Variants in FRMPD1 observed in about 807,000 individuals in gnomAD.
The protein encoded by FRMPD1 is FERM and PDZ domain containing 1, also known as FERM and PDZ domain-containing protein 1.
FRMPD1 carries 76 observed loss-of-function variants against 117.8 expected under a neutral mutation model. The observed-to-expected ratio is 0.65, with a 90% CI of 0.54 to 0.78. The LOEUF (loss-of-function observed/expected upper bound fraction) is 0.78, where lower values mean the gene tolerates loss of function less well. Ranked by LOEUF, FRMPD1 falls within the 30% of genes least tolerant of loss-of-function variation. The pLI, the probability that FRMPD1 is intolerant of heterozygous loss-of-function variation, is 0.00. For synonymous variants in FRMPD1, 783 were observed against 770.4 expected (o/e 1.02, Z -0.27); for missense variants, 1,786 against 1,964.5 (o/e 0.91, Z 1.72).
In FRMPD1 at chr9:37,692,776, A is replaced by G; in HGVS notation, c.101+34A>G. The G allele has an allele frequency of 2.1e-6, 3 of 1,462,446 alleles. No individual in the cohort carries two copies. In the African/African-American group the frequency reaches 4.2e-5, roughly 20 times the overall value. 90.6% of individuals were successfully genotyped at this position (1,462,446 alleles called of 1,614,324 possible). On this transcript the variant is annotated intron_variant, in intron 2 of 15. Transcript: ENST00000377765. ...CCTGAGTTTGCAGATTTCTGTCTAT[A>G]AAGGTCTGGTGTCCCGGGGGAGGAG...
intron 1 of FRMPD1, among the ~76,000 whole-genome samples, chr9:37,685,651 C>CAA (rs58838015): frequency 6.9e-6 from 1 of 144,586 alleles, no homozygotes; most frequent in Non-Finnish European, 1.5e-5. Context: ...GACTCCGTCT[C>CAA]AAAAAAAAAA....
chr9:37,724,005 T>TAAAAAAAATA (rs1563950782), intron 6 of FRMPD1, among the ~76,000 whole-genome samples: 2 of 146,288 alleles, frequency 1.4e-5, no homozygotes, highest in Non-Finnish European at 3.0e-5. Flanking sequence ...TCAAAAAAAA[T>TAAAAAAAATA]AAAAAAAATA....
At chr9:37,698,517 T>G (rs1245920043) in intron 2 of FRMPD1, among the ~76,000 whole-genome samples, 1 of 151,026 alleles carries the variant, frequency 6.6e-6, no homozygotes. Flanking sequence ...TTAAAATTAC[T>G]TACGTTACAA....
intron 1 of FRMPD1, among the ~76,000 whole-genome samples, chr9:37,686,586 G>A (rs1821956863): frequency 6.6e-6 from 1 of 152,352 alleles, no homozygotes; most frequent in Middle Eastern, 3.4e-3. Flanking sequence ...CTTGGTTGAT[G>A]TAGGCATTTG....
At chr9:37,634,321 C>A in the FRMPD1 span, among the ~76,000 whole-genome samples, 1 of 152,184 alleles carries the variant, frequency 6.6e-6, no homozygotes, top group Non-Finnish European at 1.5e-5. Flanking sequence ...ATATCTTATA[C>A]AACCCTTAGC....
At chr9:37,622,975 A>G in the FRMPD1 span, among the ~76,000 whole-genome samples, 1 of 152,190 alleles carries the variant, frequency 6.6e-6, no homozygotes, top group Non-Finnish European at 1.5e-5. Flanking sequence ...CCAAAGAGGG[A>G]TCTTTTTAAA....
At chr9:37,742,095 T>TTC (rs552506137) in intron 15 of FRMPD1, among the ~76,000 whole-genome samples, 4 of 152,366 alleles carry the variant, frequency 2.6e-5, no homozygotes, top group African/African-American at 9.6e-5. Flanking sequence ...AACTGTGTGT[T>TTC]TCTCACTGTG....
intron 1 of FRMPD1, 31 bp from the exon 2 acceptor site, chr9:37,692,607 A>G (rs1588932617): frequency 7.3e-7 from 1 of 1,369,960 alleles, no homozygotes; most frequent in Non-Finnish European, 1.0e-6. Flanking sequence ...TATTTTGGTT[A>G]GCATCTTAAG....
At chr9:37,609,326 G>A in the FRMPD1 span, among the ~76,000 whole-genome samples, 1 of 151,498 alleles carries the variant, frequency 6.6e-6, no homozygotes, top group African/African-American at 2.4e-5. Flanking sequence ...AGTTTAAAAT[G>A]TCTAAAACTT....
At chr9:37,697,288 A>G (rs920351583) in intron 2 of FRMPD1, among the ~76,000 whole-genome samples, 1 of 152,192 alleles carries the variant, frequency 6.6e-6, no homozygotes, top group African/African-American at 2.4e-5. Context: ...CATTTACAGT[A>G]TCAATGTTCT....
intron 11 of FRMPD1, 31 bp downstream of exon 11, chr9:37,733,630 G>C: frequency 1.2e-6 from 2 of 1,612,274 alleles, no homozygotes; most frequent in Non-Finnish European, 1.7e-6. Flanking sequence ...GACCCACTCA[G>C]CTGTCGTCTG....
chr9:37,680,282 G>A (rs182615564), intron 1 of FRMPD1, among the ~76,000 whole-genome samples: 1 of 152,270 alleles, frequency 6.6e-6, no homozygotes, highest in Admixed American at 6.5e-5. Flanking sequence ...CCCTGAACTA[G>A]TGTTCCCGAA....
Position 37,700,681 on chromosome 9 carries a change from T to C in FRMPD1, c.102-6735T>C, listed in dbSNP as rs559307583. Among the ~76,000 whole-genome samples the C allele has an allele frequency of 9.2e-5, 14 of 152,344 alleles. No homozygotes were observed. The South Asian group carries it at 2.7e-3, about 29-fold the overall frequency. On this transcript the variant is annotated intron_variant, in intron 2 of 15. Transcript: ENST00000377765. ...CAGCTCAGTATAAACTTGTGAGCTA[T>C]GAAAAGTAGAATTCATCTATGTGAG...
the FRMPD1 span, among the ~76,000 whole-genome samples, chr9:37,621,540 A>C: frequency 7.9e-5 from 12 of 152,034 alleles, no homozygotes; most frequent in Admixed American, 7.9e-4. Flanking sequence ...GACCACTCAG[A>C]GCTTGAGCTG....
At position 37,701,486 on chromosome 9, in the gene FRMPD1, T is replaced by C. The variant is rs577922507; in HGVS notation, c.102-5930T>C. 3.7e-4 allele frequency among the ~76,000 whole-genome samples: 51 copies of C among 136,678 alleles called. 1 individual carries two copies. In the East Asian group the frequency reaches 0.012, roughly 32 times the overall value. The allele number at this position is 136,678 out of a possible 152,430, so 89.7% of individuals were successfully genotyped here. On this transcript the variant is annotated intron_variant, in intron 2 of 15. Transcript: ENST00000377765. ...GTTGGGGAAATTGTGTGTGTGTGTG[T>C]GTGCGCGCGTGTGTGTGCATGTACG...
At chr9:37,685,539 CT>C (rs1821902795) in intron 1 of FRMPD1, among the ~76,000 whole-genome samples, 1 of 151,934 alleles carries the variant, frequency 6.6e-6, no homozygotes, top group Non-Finnish European at 1.5e-5. Context: ...GTAGTCCCAG[CT>C]ACTCGGGAGG....
At chr9:37,614,317 A>G in the FRMPD1 span, among the ~76,000 whole-genome samples, 1 of 152,228 alleles carries the variant, frequency 6.6e-6, no homozygotes, top group Non-Finnish European at 1.5e-5. Context: ...CAGAGTGCAT[A>G]TAGGGAAGAA....
Position 37,655,125 on chromosome 9 carries a change from C to T in FRMPD1, c.-5+4031C>T, listed in dbSNP as rs76007125. ...GGTACCCTTCAGCCATCATCCCCTCCTCCTCCCAAGCTGGAAACTACAGCA... is the reference window on the plus strand; with the variant it reads ...GGTACCCTTCAGCCATCATCCCCTCTTCCTCCCAAGCTGGAAACTACAGCA... On this transcript the variant is annotated intron_variant, in intron 1 of 15. Transcript: ENST00000377765. 1.3e-3 allele frequency among the ~76,000 whole-genome samples: 199 copies of T among 152,344 alleles called. 4 individuals carry two copies. In the East Asian group the frequency reaches 0.031, roughly 24 times the overall value.
At chr9:37,697,588 G>C (rs1339357857) in intron 2 of FRMPD1, among the ~76,000 whole-genome samples, 2 of 150,994 alleles carry the variant, frequency 1.3e-5, no homozygotes, top group Non-Finnish European at 3.0e-5. Context: ...AAAAAGAAAA[G>C]AAAAGAAATA....
Sources: gnomAD v4.1 joint callset for allele counts (sites outside exome capture counted in the v4.1 genomes callset) on GRCh38, gnomAD v4.1.1 for gene constraint, MANE v1.5 for transcripts, NCBI Gene and HGNC (gene_info 2026-07-23, HGNC 2026-07-21) for gene names.